The following SMURF1 variants were observed in gnomAD, a reference collection of about 807,000 sequenced individuals.
The protein encoded by SMURF1 is SMAD specific E3 ubiquitin protein ligase 1, also known as E3 ubiquitin-protein ligase SMURF1.
In SMURF1, 44 loss-of-function variants were observed where a neutral mutation model predicts 98.0. That is an observed-to-expected ratio of 0.45 (90% CI 0.35 to 0.58). The LOEUF (loss-of-function observed/expected upper bound fraction) is 0.58. Among genes scored for constraint, SMURF1 ranks in the 20% least tolerant of loss-of-function variants. SMURF1 has a pLI of 0.00. For synonymous variants in SMURF1, 396 were observed against 374.9 expected (o/e 1.06, Z -0.65); for missense variants, 687 against 938.4 (o/e 0.73, Z 3.50).
chr7:99,103,292 G>A (rs1177961375), intron 1 of SMURF1, among the ~76,000 whole-genome samples: 3 of 152,034 alleles, frequency 2.0e-5, no homozygotes, highest in Non-Finnish European at 4.4e-5. Flanking sequence ...ATACACATGT[G>A]GCCCTTTTCC....
intron 1 of SMURF1, among the ~76,000 whole-genome samples, chr7:99,077,322 A>ATTTTT (rs1228778355): frequency 6.7e-6 from 1 of 150,190 alleles, no homozygotes; most frequent in Admixed American, 6.6e-5. Flanking sequence ...CTTTTTTTTT[A>ATTTTT]TTTTTTTTAT....
intron 1 of SMURF1, among the ~76,000 whole-genome samples, chr7:99,104,897 T>C (rs1258980562): frequency 1.3e-5 from 2 of 152,226 alleles, no homozygotes; most frequent in African/African-American, 4.8e-5. Flanking sequence ...TCACCCAAGC[T>C]ACCTTGCTTC....
At chr7:99,138,380 T>A (rs527280131) in intron 1 of SMURF1, among the ~76,000 whole-genome samples, 2 of 152,220 alleles carry the variant, frequency 1.3e-5, no homozygotes, top group Non-Finnish European at 2.9e-5. Flanking sequence ...TGAGGTGATA[T>A]TGAAACACTA....
At chr7:99,142,486 A>C (rs1381243204) in intron 1 of SMURF1, among the ~76,000 whole-genome samples, 1 of 151,438 alleles carries the variant, frequency 6.6e-6, no homozygotes, top group Non-Finnish European at 1.5e-5. Flanking sequence ...GACTGGGAGC[A>C]GCTACAAGAT....
chr7:99,110,476 G>C (rs1797293617), intron 1 of SMURF1, among the ~76,000 whole-genome samples: 1 of 152,118 alleles, frequency 6.6e-6, no homozygotes, highest in African/African-American at 2.4e-5. Flanking sequence ...AACATAAACA[G>C]CCCGTGAATA....
chr7:99,056,390 C>A (rs1412851728), intron 5 of SMURF1, among the ~76,000 whole-genome samples: 1 of 152,084 alleles, frequency 6.6e-6, no homozygotes, highest in East Asian at 1.9e-4. Flanking sequence ...ACAGCTAAAT[C>A]ACTTCCAACA....
chr7:99,078,055 T>C (rs1445022048), intron 1 of SMURF1, among the ~76,000 whole-genome samples: 1 of 152,004 alleles, frequency 6.6e-6, no homozygotes, highest in Non-Finnish European at 1.5e-5. Context: ...TCCCAGCACT[T>C]TGGGAGGCCG....
At chr7:99,092,585 T>C (rs1007443409) in intron 1 of SMURF1, among the ~76,000 whole-genome samples, 1 of 152,202 alleles carries the variant, frequency 6.6e-6, no homozygotes, top group African/African-American at 2.4e-5. Flanking sequence ...ATGGTCTATT[T>C]AGTGCCATGT....
intron 1 of SMURF1, among the ~76,000 whole-genome samples, chr7:99,086,992 G>A (rs1395163848): frequency 6.6e-6 from 1 of 152,180 alleles, no homozygotes; most frequent in African/African-American, 2.4e-5. Flanking sequence ...GAGGGTGATG[G>A]TGTACAATTC....
intron 1 of SMURF1, among the ~76,000 whole-genome samples, chr7:99,080,574 C>T (rs1796558166): frequency 6.6e-6 from 1 of 152,214 alleles, no homozygotes; most frequent in Non-Finnish European, 1.5e-5. Context: ...GCTGGGATTA[C>T]AGGCGTGAGC....
intron 1 of SMURF1, among the ~76,000 whole-genome samples, chr7:99,138,390 A>G (rs1036492597): frequency 3.3e-5 from 5 of 152,044 alleles, no homozygotes; most frequent in Non-Finnish European, 7.4e-5. Context: ...TTGAAACACT[A>G]TTTGTCGTTT....
At chr7:99,124,564 T>C (rs1010185787) in intron 1 of SMURF1, among the ~76,000 whole-genome samples, 26 of 152,284 alleles carry the variant, frequency 1.7e-4, no homozygotes, top group African/African-American at 5.5e-4. Flanking sequence ...AGTTCCCTTC[T>C]GTGCACTTTA....
At chr7:99,108,143 C>T (rs1471397340) in intron 1 of SMURF1, among the ~76,000 whole-genome samples, 1 of 152,172 alleles carries the variant, frequency 6.6e-6, no homozygotes, top group Non-Finnish European at 1.5e-5. Context: ...ATAAAGAACA[C>T]TTGGCCATTG....
At chr7:99,097,297 A>C (rs1232846853) in intron 1 of SMURF1, among the ~76,000 whole-genome samples, 1 of 152,226 alleles carries the variant, frequency 6.6e-6, no homozygotes, top group East Asian at 1.9e-4. Flanking sequence ...GGAATGAGGC[A>C]AAAACAACAG....
chr7:99,102,889 C>T (rs1054434557), intron 1 of SMURF1, among the ~76,000 whole-genome samples: 2 of 151,950 alleles, frequency 1.3e-5, no homozygotes, highest in South Asian at 2.1e-4. Context: ...TACAGCAGTG[C>T]GTCTCCAGGG....
In SMURF1 at chr7:99,030,540, G is replaced by A; in HGVS notation, c.*44C>T. 1.3e-6 allele frequency: 2 copies of A among 1,529,246 alleles called. No individual in the cohort carries two copies. 94.7% of individuals were successfully genotyped at this position (1,529,246 alleles called of 1,614,324 possible). ...AGGTGCACAGAAGCTGGATGCTTTT[G>A]GTCTGGTGGCCATGAGCTAGACTCT... is the stretch of plus-strand genomic sequence containing the variant. On this transcript the variant is annotated 3_prime_UTR_variant, in exon 18 of 18. Coordinates refer to ENST00000361368, the MANE Select transcript of SMURF1 (RefSeq NM_181349.3).
rs758326721 is a variant in SMURF1 at position 99,051,348 on chromosome 7, G to A, written c.806+9C>T. On this transcript the variant is annotated intron_variant, in intron 8 of 17. Transcript: ENST00000361368. ...GACAGCTGGGGGGTGTCCATTTCAGGAGGCTTACCTTGGTATCCTGGGGTC... is the reference window on the plus strand; with the variant it reads ...GACAGCTGGGGGGTGTCCATTTCAGAAGGCTTACCTTGGTATCCTGGGGTC... The A allele has an allele frequency of 6.2e-7, 1 of 1,611,844 alleles. No homozygotes were observed. Among genetic ancestry groups the A allele is most frequent in the African/African-American group, 1.3e-5 (1 of 74,986 alleles).
chr7:99,095,102 T>C (rs1796921966), intron 1 of SMURF1, among the ~76,000 whole-genome samples: 2 of 150,782 alleles, frequency 1.3e-5, no homozygotes, highest in African/African-American at 2.4e-5. Context: ...ACTTTTGAGA[T>C]GGAGTCTCAC....
At position 99,027,616 on chromosome 7, in the gene SMURF1, CAAAAT is replaced by C. The variant is rs1197636744; in HGVS notation, c.*2963_*2967del. The C allele has an allele frequency of 1.3e-5, 2 of 152,436 alleles. No individual in the cohort carries two copies. The highest frequency in any genetic ancestry group is 6.6e-5 in the Admixed American group (1 of 15,256). The allele number at this position is 152,436 out of a possible 1,614,324, so 9.4% of individuals were successfully genotyped here. A position where few individuals can be genotyped will look rare whatever the true frequency, so the allele number is the denominator to read the frequency against. Reference sequence around the variant, plus strand: ...ATAGAACATTAGTGTACAACTTTCACAAAATAAATCAGTGATAAAAACAGTGGGAA... The same window carrying C: ...ATAGAACATTAGTGTACAACTTTCACAAATCAGTGATAAAAACAGTGGGAA... On this transcript the variant is annotated 3_prime_UTR_variant, in exon 18 of 18. Transcript: ENST00000361368.
Sources: gnomAD v4.1 joint callset for allele counts (sites outside exome capture counted in the v4.1 genomes callset) on GRCh38, gnomAD v4.1.1 for gene constraint, MANE v1.5 for transcripts, NCBI Gene and HGNC (gene_info 2026-07-23, HGNC 2026-07-21) for gene names.